Variants in STAT3 observed in about 807,000 individuals in gnomAD.
The protein encoded by STAT3 is signal transducer and activator of transcription 3.
In STAT3, 7 loss-of-function variants were observed where a neutral mutation model predicts 114.3. That is an observed-to-expected ratio of 0.06 (90% CI 0.03 to 0.11). STAT3 has a LOEUF of 0.11. Among genes scored for constraint, STAT3 ranks in the 10% least tolerant of loss-of-function variants. The pLI is 1.00. For missense variants in STAT3, 364 were observed against 960.9 expected, an observed-to-expected ratio of 0.38 and a Z score of 8.21; for synonymous variants, 331 against 354.5, an observed-to-expected ratio of 0.93 and a Z score of 0.74.
chr17:42,346,169 A>G (rs971151031), intron 3 of STAT3, among the ~76,000 whole-genome samples: 1 of 152,118 alleles, frequency 6.6e-6, no homozygotes, highest in African/African-American at 2.4e-5. Flanking sequence ...GTGAGCCACC[A>G]TGCCTGGCCT....
At chr17:42,379,446 C>T (rs181888151) in intron 1 of STAT3, among the ~76,000 whole-genome samples, 96 of 152,310 alleles carry the variant, frequency 6.3e-4, no homozygotes, top group Non-Finnish European at 1.2e-4. Context: ...CTAACTCATA[C>T]ACATGTACAT....
At chr17:42,375,783 C>T (rs975945659) in intron 1 of STAT3, among the ~76,000 whole-genome samples, 1 of 150,560 alleles carries the variant, frequency 6.6e-6, no homozygotes, top group Non-Finnish European at 1.5e-5. Context: ...GAGCCGAGAT[C>T]GCGCCATTGC....
chr17:42,316,617 C>G, intron 23 of STAT3, 172 bp downstream of exon 23: 1 of 1,508,654 alleles, frequency 6.6e-7, no homozygotes, highest in Non-Finnish European at 8.9e-7. Flanking sequence ...AGTGTGGCTG[C>G]TAGAAGATTT....
chr17:42,323,725 A>G, intron 17 of STAT3, 100 bp from the exon 18 acceptor site: 1 of 1,133,000 alleles, frequency 8.8e-7, no homozygotes, highest in Non-Finnish European at 1.3e-6. Context: ...ACAATGGGCC[A>G]CAAAATAATC....
intron 21 of STAT3, chr17:42,317,507 C>T (rs1363034670): frequency 3.8e-6 from 2 of 532,224 alleles, no homozygotes; most frequent in Admixed American, 6.3e-5. Flanking sequence ...TAGACTAATG[C>T]CACCTTGTGT....
chr17:42,318,270 TG>T (rs2081330406), intron 21 of STAT3, among the ~76,000 whole-genome samples: 4 of 152,228 alleles, frequency 2.6e-5, no homozygotes, highest in Non-Finnish European at 5.9e-5. Flanking sequence ...TACAGGCATC[TG>T]CCACCATGCC....
rs1337208100 is a variant in STAT3, at chr17:42,316,097, C to T, written c.2258-297G>A. On this transcript the variant is annotated intron_variant, in intron 23 of 23. Coordinates refer to ENST00000264657, the MANE Select transcript of STAT3 (RefSeq NM_139276.3). The stretch of plus-strand genomic sequence containing the variant: ...GATCTACTGTTTAATTCAGGAGCCC[C>T]GAGACACACGTGGCCACCAAGCATT... The T allele has an allele frequency of 1.3e-5, 17 of 1,342,580 alleles. No individual in the cohort carries two copies. In the Admixed American group the frequency reaches 3.0e-4, roughly 24 times the overall value. 83.2% of individuals were successfully genotyped at this position (1,342,580 alleles called of 1,614,324 possible). A position where few individuals can be genotyped will look rare whatever the true frequency, so the allele number is the denominator to read the frequency against.
At chr17:42,382,505 G>A (rs2084855971) in intron 1 of STAT3, among the ~76,000 whole-genome samples, 1 of 152,082 alleles carries the variant, frequency 6.6e-6, no homozygotes, top group Non-Finnish European at 1.5e-5. Context: ...TTCCATACTG[G>A]CATAGCACAC....
chr17:42,316,003 C>T (rs1267840489), intron 23 of STAT3: 57 of 1,442,702 alleles, frequency 4.0e-5, no homozygotes, highest in Non-Finnish European at 5.2e-5. Context: ...TTCTCATTCC[C>T]ACCTTAACTG....
At chr17:42,359,788 C>T (rs954995651) in intron 1 of STAT3, among the ~76,000 whole-genome samples, 4 of 152,076 alleles carry the variant, frequency 2.6e-5, no homozygotes, top group Non-Finnish European at 5.9e-5. Flanking sequence ...TGGCCGGGTG[C>T]GGTGGCTCAC....
intron 1 of STAT3, among the ~76,000 whole-genome samples, chr17:42,356,537 A>ATTT (rs1364131230): frequency 0.012 from 1,433 of 122,662 alleles, 28 homozygotes; most frequent in African/African-American, 0.046. Flanking sequence ...ATATATATAT[A>ATTT]TATTTTTTTT....
At chr17:42,361,783 CT>C (rs1331142421) in intron 1 of STAT3, among the ~76,000 whole-genome samples, 3 of 152,054 alleles carry the variant, frequency 2.0e-5, no homozygotes, top group African/African-American at 7.2e-5. Context: ...GATATCTGCA[CT>C]TTCTTCCAAG....
At chr17:42,325,976 TGGAGAAAAG>T in intron 15 of STAT3, 131 bp downstream of exon 15, 1 of 814,384 alleles carries the variant, frequency 1.2e-6, no homozygotes, top group Admixed American at 2.0e-5. Context: ...AGGATTTTTT[TGGAGAAAAG>T]TAAGCAAAAA....
intron 21 of STAT3, among the ~76,000 whole-genome samples, chr17:42,320,943 TTCTTTG>T: frequency 7.8e-6 from 1 of 127,950 alleles, no homozygotes; most frequent in African/African-American, 4.2e-5. Flanking sequence ...TTTCTTTCTC[TTCTTTG>T]TGTGTGTGTG....
At chr17:42,378,048 C>T (rs1010931538) in intron 1 of STAT3, among the ~76,000 whole-genome samples, 1 of 147,174 alleles carries the variant, frequency 6.8e-6, no homozygotes, top group African/African-American at 2.5e-5. Context: ...TGCAATGGCG[C>T]GATCTCGGCT....
chr17:42,376,888 A>G (rs1272090269), intron 1 of STAT3, among the ~76,000 whole-genome samples: 1 of 152,094 alleles, frequency 6.6e-6, no homozygotes, highest in East Asian at 1.9e-4. Flanking sequence ...GGGGGGTACA[A>G]TTCCTGCCTG....
At chr17:42,384,341 AGGAT>A (rs1461749362) in intron 1 of STAT3, among the ~76,000 whole-genome samples, 1 of 151,912 alleles carries the variant, frequency 6.6e-6, no homozygotes, top group Non-Finnish European at 1.5e-5. Context: ...CGTGTTAGCC[AGGAT>A]GGTCTCGATC....
intron 8 of STAT3, among the ~76,000 whole-genome samples, chr17:42,335,071 C>T (rs1400849175): frequency 1.3e-5 from 2 of 152,164 alleles, no homozygotes; most frequent in Non-Finnish European, 2.9e-5. Context: ...TGGGCCTTAG[C>T]ATCCCCTTGC....
chr17:42,314,202 C>T lies in STAT3; in HGVS notation c.*1543G>A. On this transcript the variant is annotated 3_prime_UTR_variant, in exon 24 of 24. Coordinates refer to ENST00000264657, the MANE Select transcript of STAT3 (RefSeq NM_139276.3). ...GTATACACCCTCATACGAGGGCAGA[C>T]TCAAGTTTATCAGTAAGCCTTTGCC... 1 of 232,874 alleles carries T rather than the reference C, an allele frequency of 4.3e-6. No homozygotes were observed. The highest frequency in any genetic ancestry group is 8.5e-6 in the Non-Finnish European group (1 of 117,490). 14.4% of individuals were successfully genotyped at this position (232,874 alleles called of 1,614,324 possible).
Sources: gnomAD v4.1 joint callset for allele counts (sites outside exome capture counted in the v4.1 genomes callset) on GRCh38, gnomAD v4.1.1 for gene constraint, MANE v1.5 for transcripts, NCBI Gene and HGNC (gene_info 2026-07-23, HGNC 2026-07-21) for gene names.